PRKX: variants seen among roughly 807,000 people sequenced by gnomAD.
PRKX encodes the protein cAMP-dependent protein kinase catalytic subunit PRKX.
PRKX carries 12 observed loss-of-function variants against 22.0 expected under a neutral mutation model. The observed-to-expected ratio is 0.54, with a 90% CI of 0.35 to 0.88. The LOEUF (loss-of-function observed/expected upper bound fraction) is 0.88. Among genes scored for constraint, PRKX ranks in the 40% least tolerant of loss-of-function variants. The pLI is 0.01. For missense variants in PRKX, 217 were observed against 308.0 expected (o/e 0.70, Z 2.21); for synonymous variants, 134 against 137.7 (o/e 0.97, Z 0.19).
chrX:3,629,207 G>A (rs940272246), intron 4 of PRKX, among the ~76,000 whole-genome samples: 6 of 110,232 alleles, frequency 5.4e-5, no homozygotes, highest in African/African-American at 2.0e-4. Context: ...GGCACTATAA[G>A]GCATCCTCAA....
chrX:3,618,070 AG>A (rs1488411953), intron 6 of PRKX, among the ~76,000 whole-genome samples: 56 of 15,522 alleles, frequency 3.6e-3, no homozygotes, highest in East Asian at 9.3e-3. Context: ...AAAAAAAAAG[AG>A]AGAGAGAGAG....
At chrX:3,617,553 G>T (rs1926455945) in intron 6 of PRKX, among the ~76,000 whole-genome samples, 1 of 110,646 alleles carries the variant, frequency 9.0e-6, no homozygotes, top group South Asian at 3.8e-4. Flanking sequence ...GGCGGAGGTG[G>T]GAGGATCACT....
At chrX:3,678,035 G>A (rs1928000161) in intron 1 of PRKX, among the ~76,000 whole-genome samples, 1 of 111,974 alleles carries the variant, frequency 8.9e-6, no homozygotes. Context: ...AGTGGGAGAA[G>A]GGCTTTGAGG....
At chrX:3,689,085 C>T (rs925230215) in intron 1 of PRKX, among the ~76,000 whole-genome samples, 1 of 112,195 alleles carries the variant, frequency 8.9e-6, no homozygotes, top group Non-Finnish European at 1.9e-5. Context: ...AATAGTTCAT[C>T]AACATAGGTT....
At chrX:3,614,153 A>T (rs1280907357) in intron 7 of PRKX, among the ~76,000 whole-genome samples, 1 of 112,083 alleles carries the variant, frequency 8.9e-6, no homozygotes, top group African/African-American at 3.2e-5. Context: ...AATGGAATGA[A>T]ATCCTGTCAT....
chrX:3,697,682 C>T (rs1042536071), intron 1 of PRKX, among the ~76,000 whole-genome samples: 1 of 110,391 alleles, frequency 9.1e-6, no homozygotes, highest in African/African-American at 3.3e-5. Context: ...GTAGCTGGGA[C>T]CACAGGTGCT....
chrX:3,657,616 T>C (rs1232629581), intron 2 of PRKX, among the ~76,000 whole-genome samples: 1 of 112,418 alleles, frequency 8.9e-6, no homozygotes, highest in Non-Finnish European at 1.9e-5. Context: ...TTCAGTAACC[T>C]GGAACTATCA....
At chrX:3,663,178 A>G (rs1927640188) in intron 2 of PRKX, among the ~76,000 whole-genome samples, 2 of 108,124 alleles carry the variant, frequency 1.8e-5, no homozygotes, top group Admixed American at 2.0e-4. Context: ...ATACAGCAGG[A>G]AGGGGTGAGT....
At chrX:3,685,409 G>A (rs987614747) in intron 1 of PRKX, among the ~76,000 whole-genome samples, 5 of 110,383 alleles carry the variant, frequency 4.5e-5, no homozygotes, top group East Asian at 2.8e-4. Context: ...ATCCCATCAC[G>A]GTTAAAAGCT....
intron 1 of PRKX, among the ~76,000 whole-genome samples, chrX:3,686,547 T>C: frequency 1.0e-5 from 1 of 100,467 alleles, no homozygotes; most frequent in South Asian, 5.2e-4. Context: ...TGAACATAGT[T>C]ACTTTGTTTT....
At position 3,695,494 on chromosome X, in the gene PRKX, C is replaced by G. The variant is rs182468714; in HGVS notation, c.166+17594G>C. ...GTGGCGCAATCTTAGCTCAGTGCAG[C>G]CTTGAACTCCCAGGCTCAAGCAATC... is the stretch of plus-strand genomic sequence containing the variant. On this transcript the variant is annotated intron_variant, in intron 1 of 8. Coordinates refer to ENST00000262848, the MANE Select transcript of PRKX (RefSeq NM_005044.5). 5.4e-5 allele frequency among the ~76,000 whole-genome samples: 6 copies of G among 111,399 alleles called. No individual in the cohort carries two copies. The East Asian group carries it at 1.7e-3, about 32-fold the overall frequency.
chrX:3,694,312 C>T (rs1053348441), intron 1 of PRKX, among the ~76,000 whole-genome samples: 54 of 110,039 alleles, frequency 4.9e-4, no homozygotes, highest in Non-Finnish European at 9.1e-4. Context: ...CATTTGAACC[C>T]GGGAGGCAGA....
chrX:3,612,264 T>C lies in PRKX; in HGVS notation c.1013A>G (p.Glu338Gly). 8.3e-7 allele frequency: 1 copy of C among 1,211,122 alleles called. No individual in the cohort carries two copies. Among genetic ancestry groups the C allele is most frequent in the South Asian group, 1.8e-5 (1 of 56,841 alleles). ...GGGCGCGGCTGTGTCCCAGTCATTC[T>C]CAGGGTAAGTTTCGAAGTTGGAAGT... ...GDTSNFETYP[E>G]NDWDTAAPVP... The change falls in exon 8 of 9, where the codon GAG becomes GGG. Residue 338 changes from glutamate to glycine, a missense_variant. By Grantham distance (98) the Glu-to-Gly change is moderately conservative. Coordinates refer to ENST00000262848, the MANE Select transcript of PRKX (RefSeq NM_005044.5).
At chrX:3,675,946 C>T (rs1257528669) in intron 1 of PRKX, among the ~76,000 whole-genome samples, 2 of 111,190 alleles carry the variant, frequency 1.8e-5, no homozygotes, top group African/African-American at 3.3e-5. Context: ...GGTCACACTG[C>T]GTTGCTCAGG....
Position 3,671,716 on chromosome X carries a change from G to A in PRKX, c.335+2882C>T, listed in dbSNP as rs746171959. Among the ~76,000 whole-genome samples the A allele has an allele frequency of 4.5e-5, 5 of 111,478 alleles. No individual in the cohort carries two copies. The South Asian group carries it at 1.5e-3, about 34-fold the overall frequency. Reference sequence around the variant, plus strand: ...TAAAAGTTAGAAATAGGCCAGGCACGGTGGCTCACATCTATAATCTCAGCA... The same window carrying A: ...TAAAAGTTAGAAATAGGCCAGGCACAGTGGCTCACATCTATAATCTCAGCA... On this transcript the variant is annotated intron_variant, in intron 2 of 8. Coordinates refer to ENST00000262848, the MANE Select transcript of PRKX (RefSeq NM_005044.5).
At chrX:3,638,710 A>G (rs1442911934) in intron 4 of PRKX, among the ~76,000 whole-genome samples, 1 of 111,287 alleles carries the variant, frequency 9.0e-6, no homozygotes, top group East Asian at 2.8e-4. Flanking sequence ...ACAGAAAGGT[A>G]GAGATAGAGG....
At chrX:3,662,222 T>G (rs1237528494) in intron 2 of PRKX, among the ~76,000 whole-genome samples, 1 of 110,596 alleles carries the variant, frequency 9.0e-6, no homozygotes, top group Non-Finnish European at 1.9e-5. Flanking sequence ...AGGGGGCATC[T>G]CTGTCCCCAC....
At chrX:3,627,331 G>A (rs1226879347) in intron 4 of PRKX, among the ~76,000 whole-genome samples, 1 of 103,510 alleles carries the variant, frequency 9.7e-6, no homozygotes, top group Non-Finnish European at 2.0e-5. Context: ...GCAGTGAGCC[G>A]AGATCGTGCC....
At chrX:3,685,239 T>C (rs772937198) in intron 1 of PRKX, among the ~76,000 whole-genome samples, 1 of 84,728 alleles carries the variant, frequency 1.2e-5, no homozygotes, top group Non-Finnish European at 2.1e-5. Flanking sequence ...TCCTTCCTTC[T>C]TTCCTCTCAT....
Sources: allele counts gnomAD v4.1 joint callset (sites outside exome capture counted in the v4.1 genomes callset), GRCh38; gene constraint gnomAD v4.1.1; transcripts MANE v1.5; gene names NCBI Gene and HGNC (gene_info 2026-07-23, HGNC 2026-07-21).